Variants in UNC79 observed in about 807,000 individuals in gnomAD.
UNC79 encodes the protein unc-79 subunit of NALCN channel complex.
UNC79 carries 37 observed loss-of-function variants against 283.1 expected under a neutral mutation model. The observed-to-expected ratio is 0.13, with a 90% CI of 0.10 to 0.17. The LOEUF is 0.17. UNC79 is among the 10% of genes least tolerant of loss of function. UNC79 has a pLI of 1.00. For synonymous variants in UNC79, 1,107 were observed against 1,200.2 expected, an observed-to-expected ratio of 0.92 and a Z score of 1.61; for missense variants, 2,272 against 3,211.1, an observed-to-expected ratio of 0.71 and a Z score of 7.07.
intron 5 of UNC79, among the ~76,000 whole-genome samples, chr14:93,494,415 G>A (rs192181741): frequency 2.0e-5 from 3 of 152,300 alleles, no homozygotes; most frequent in Admixed American, 2.0e-4. Flanking sequence ...TGGAGGCATT[G>A]GAAGAAGAAG....
At chr14:93,605,971 T>G (rs2065864034) in intron 26 of UNC79, among the ~76,000 whole-genome samples, 1 of 150,310 alleles carries the variant, frequency 6.7e-6, no homozygotes, top group Non-Finnish European at 1.5e-5. Context: ...GTGCTGTGAT[T>G]TTTTTTAAAA....
chr14:93,413,795 T>C (rs1412668836), intron 1 of UNC79, among the ~76,000 whole-genome samples: 77 of 130,724 alleles, frequency 5.9e-4, no homozygotes, highest in African/African-American at 2.1e-3. Flanking sequence ...GAGCATTTTT[T>C]CATGTGTTTT....
chr14:93,543,005 G>A (rs141530894), intron 14 of UNC79, among the ~76,000 whole-genome samples: 12 of 149,372 alleles, frequency 8.0e-5, no homozygotes, highest in South Asian at 2.1e-4. Flanking sequence ...CAGGCTGGCC[G>A]CCTTGAACTC....
intron 1 of UNC79, among the ~76,000 whole-genome samples, chr14:93,353,880 TACAAAG>T (rs1243100141): frequency 1.5e-4 from 23 of 152,044 alleles, no homozygotes; most frequent in Non-Finnish European, 5.9e-5. Context: ...TAACCTTAAA[TACAAAG>T]ACAAAGTCAG....
intron 20 of UNC79, among the ~76,000 whole-genome samples, chr14:93,584,167 C>G (rs1353918492): frequency 6.6e-6 from 1 of 152,196 alleles, no homozygotes. Flanking sequence ...AGTTTACAAT[C>G]TGCTGATCCA....
intron 14 of UNC79, among the ~76,000 whole-genome samples, chr14:93,561,440 C>T (rs932081414): frequency 6.6e-6 from 1 of 151,950 alleles, no homozygotes; most frequent in African/African-American, 2.4e-5. Context: ...AAGGTGAGGG[C>T]TATTAAAGGA....
chr14:93,447,085 A>G (rs1256085216), intron 1 of UNC79, among the ~76,000 whole-genome samples: 2 of 152,082 alleles, frequency 1.3e-5, no homozygotes, highest in Non-Finnish European at 2.9e-5. Context: ...TATGATTGTT[A>G]TGTTTTCCTG....
At chr14:93,625,953 T>C (rs2067539160) in intron 30 of UNC79, among the ~76,000 whole-genome samples, 1 of 152,206 alleles carries the variant, frequency 6.6e-6, no homozygotes, top group African/African-American at 2.4e-5. Flanking sequence ...GATCCAGGAT[T>C]GGTCAGCAAC....
At position 93,371,806 on chromosome 14, in the gene UNC79, C is replaced by CT. The variant is rs1415674651; in HGVS notation, c.-351+38284dup. Reference sequence around the variant, plus strand: ...CAGTAAGCCCAGATGCACAACTGCACTCCAGCCTAGGGGAAAGATCGAGAC... The same window carrying CT: ...CAGTAAGCCCAGATGCACAACTGCACTTCCAGCCTAGGGGAAAGATCGAGAC... On this transcript the variant is annotated intron_variant, in intron 1 of 49. Transcript: ENST00000256339. Among the ~76,000 whole-genome samples, 120 of 151,934 alleles carry CT rather than the reference C, an allele frequency of 7.9e-4. 2 individuals carry two copies. The highest frequency in any genetic ancestry group is 6.8e-3 in the Middle Eastern group (2 of 294).
chr14:93,454,048 C>CT (rs35564821), intron 1 of UNC79, among the ~76,000 whole-genome samples: 78 of 137,214 alleles, frequency 5.7e-4, no homozygotes, highest in South Asian at 1.2e-3. Context: ...CTTTTTAAAT[C>CT]TTTTTTTTTT....
At chr14:93,412,304 G>T (rs952494521) in intron 1 of UNC79, among the ~76,000 whole-genome samples, 5 of 151,900 alleles carry the variant, frequency 3.3e-5, no homozygotes, top group Non-Finnish European at 7.4e-5. Flanking sequence ...AGCCTTAAAA[G>T]GTCAAATCTA....
rs138095803 is a variant in UNC79 at position 93,526,287 on chromosome 14, G to T, written c.963+2245G>T. 3.5e-4 allele frequency among the ~76,000 whole-genome samples: 54 copies of T among 152,180 alleles called. No homozygotes were observed. The East Asian group carries it at 7.7e-3, about 22-fold the overall frequency. On this transcript the variant is annotated intron_variant, in intron 8 of 48. Transcript: ENST00000555664. ...TGCTCTTGCTTTACAGTGTGAGTCC[G>T]CCCAATCCACATCATCACCGTATGA...
chr14:93,695,763 A>G (rs1445890526), intron 47 of UNC79, among the ~76,000 whole-genome samples: 1 of 151,802 alleles, frequency 6.6e-6, no homozygotes, highest in Admixed American at 6.6e-5. Context: ...ATGGTGGCAC[A>G]CACTTGTAAT....
chr14:93,660,621 G>T (rs553102617), intron 39 of UNC79, among the ~76,000 whole-genome samples: 1 of 131,894 alleles, frequency 7.6e-6, no homozygotes, highest in African/African-American at 2.8e-5. Context: ...ACAGAGTCTC[G>T]CTCTGTCACC....
rs984341265 is a variant in UNC79 at position 93,523,127 on chromosome 14, T to G, written c.899-851T>G. 5.3e-5 allele frequency among the ~76,000 whole-genome samples: 8 copies of G among 152,154 alleles called. No individual in the cohort carries two copies. The East Asian group carries it at 1.5e-3, about 29-fold the overall frequency. ...TTCAAGCATATAAACCCCTTACATG[T>G]TTTTAATGATGGAATATTGTTAGCC... On this transcript the variant is annotated intron_variant, in intron 7 of 48. Coordinates refer to ENST00000555664, the Ensembl canonical transcript of UNC79.
rs1287516890 is a variant in UNC79 at position 93,430,775 on chromosome 14, A to C, written c.-255A>C. Reference sequence around the variant, plus strand: ...TCAACGCGGGCAGCTCCAGGAGGGGACGGACAGGAAGCCTTTGGCCGCCTA... The same window carrying C: ...TCAACGCGGGCAGCTCCAGGAGGGGCCGGACAGGAAGCCTTTGGCCGCCTA... On this transcript the variant is annotated 5_prime_UTR_variant, in exon 1 of 49. Coordinates refer to ENST00000555664, the Ensembl canonical transcript of UNC79. This position sits in a 1 kb window ranked among gnomAD's most constrained non-coding sequence, Gnocchi z 4.6. The C allele has an allele frequency of 4.8e-6, 2 of 413,608 alleles. No individual in the cohort carries two copies. The highest frequency in any genetic ancestry group is 3.5e-5 in the Admixed American group (1 of 28,490). The allele number at this position is 413,608 out of a possible 1,614,324, so 25.6% of individuals were successfully genotyped here. A position where few individuals can be genotyped will look rare whatever the true frequency, so the allele number is the denominator to read the frequency against.
intron 19 of UNC79, among the ~76,000 whole-genome samples, chr14:93,581,484 CTTTTTTTTTTTTT>C (rs569060513): frequency 2.0e-5 from 2 of 100,664 alleles, no homozygotes; most frequent in Non-Finnish European, 3.8e-5. Flanking sequence ...GTATTTGCAT[CTTTTTTTTTTTTT>C]TTTTTTTTTT....
rs896744853 is a variant in UNC79, at chr14:93,617,428, A to G, written c.4224+124A>G. ...AAGTTTGACCTTCAGAAGGAAGATC[A>G]GGATATGCAATTACTGTTAAGAACC... is the stretch of plus-strand genomic sequence containing the variant. On this transcript the variant is annotated intron_variant, in intron 28 of 48. Coordinates refer to ENST00000555664, the Ensembl canonical transcript of UNC79. The surrounding 1 kb of genome is among the most constrained non-coding windows in gnomAD (Gnocchi z 4.5). The G allele has an allele frequency of 1.6e-5, 16 of 1,029,406 alleles. No homozygotes were observed. In the African/African-American group the frequency reaches 2.6e-4, roughly 16 times the overall value. 63.8% of individuals were successfully genotyped at this position (1,029,406 alleles called of 1,614,324 possible).
intron 14 of UNC79, among the ~76,000 whole-genome samples, chr14:93,551,643 A>G (rs887307826): frequency 2.0e-5 from 3 of 152,226 alleles, no homozygotes; most frequent in African/African-American, 7.2e-5. Flanking sequence ...ATATAAAAGC[A>G]CAGAAGAACA....
Sources: gnomAD v4.1 joint callset for allele counts (sites outside exome capture counted in the v4.1 genomes callset) on GRCh38, gnomAD v4.1.1 for gene constraint, Gnocchi (gnomAD v3.1) non-coding constraint, MANE v1.5 for transcripts, NCBI Gene and HGNC (gene_info 2026-07-23, HGNC 2026-07-21) for gene names.